Variants in OSMR observed in about 807,000 individuals in gnomAD.
OSMR encodes the protein oncostatin-M-specific receptor subunit beta.
OSMR carries 81 observed loss-of-function variants against 99.9 expected under a neutral mutation model. The observed-to-expected ratio is 0.81, with a 90% confidence interval of 0.68 to 0.97. OSMR has a LOEUF of 0.97. Ranked by LOEUF, OSMR falls within the 50% of genes least tolerant of loss-of-function variation. The pLI is 0.00. For synonymous variants in OSMR, 406 were observed against 410.4 expected (o/e 0.99, Z 0.13); for missense variants, 1,099 against 1,153.4 (o/e 0.95, Z 0.68).
At chr5:38,853,980 C>G (rs1199373083) in intron 1 of OSMR, among the ~76,000 whole-genome samples, 1 of 151,852 alleles carries the variant, frequency 6.6e-6, no homozygotes, top group Admixed American at 6.6e-5. Flanking sequence ...AGTAATCAAC[C>G]CTATGCTGTA....
At chr5:38,917,408 CAT>C in intron 9 of OSMR, 136 bp from the exon 10 acceptor site, 1 of 1,469,760 alleles carries the variant, frequency 6.8e-7, no homozygotes, top group Non-Finnish European at 9.1e-7. Flanking sequence ...GGGTAGAAGT[CAT>C]AGAGAGTGAA....
At chr5:38,864,570 T>C (rs975351517) in intron 1 of OSMR, among the ~76,000 whole-genome samples, 1 of 148,894 alleles carries the variant, frequency 6.7e-6, no homozygotes, top group African/African-American at 2.5e-5. Context: ...GTACTTAGAA[T>C]ATATCAGCCC....
intron 9 of OSMR, among the ~76,000 whole-genome samples, chr5:38,916,171 A>T (rs1745885322): frequency 6.6e-6 from 1 of 152,262 alleles, no homozygotes; most frequent in Non-Finnish European, 1.5e-5. Flanking sequence ...TAGGACTTTC[A>T]TAATATTTTT....
At chr5:38,925,083 A>C in intron 14 of OSMR, 121 bp from the exon 15 acceptor site, 1 of 1,531,432 alleles carries the variant, frequency 6.5e-7, no homozygotes, top group East Asian at 2.4e-5. Context: ...GTTTGGTATA[A>C]ACATGTTGGT....
intron 7 of OSMR, among the ~76,000 whole-genome samples, chr5:38,898,754 C>T (rs78772210): frequency 0.066 from 9,971 of 151,720 alleles, 442 homozygotes; most frequent in South Asian, 0.17. Context: ...CTGCTTTTTC[C>T]TTTTTGCATA....
At chr5:38,908,954 A>G (rs999996147) in intron 9 of OSMR, among the ~76,000 whole-genome samples, 6 of 152,334 alleles carry the variant, frequency 3.9e-5, no homozygotes, top group East Asian at 1.9e-4. Flanking sequence ...AATTCAGAAT[A>G]TGGATAGAAA....
At chr5:38,926,411 T>C (rs945881876) in intron 15 of OSMR, among the ~76,000 whole-genome samples, 5 of 152,220 alleles carry the variant, frequency 3.3e-5, no homozygotes, top group African/African-American at 1.2e-4. Context: ...AGAGGTTTAA[T>C]TGACTCACAG....
chr5:38,917,968 A>G (rs1335567548), intron 10 of OSMR, among the ~76,000 whole-genome samples: 1 of 152,226 alleles, frequency 6.6e-6, no homozygotes, highest in Non-Finnish European at 1.5e-5. Flanking sequence ...TTTAAAAATT[A>G]TAAATCAAGC....
chr5:38,896,699 G>A (rs115133352), intron 7 of OSMR, among the ~76,000 whole-genome samples: 1,972 of 152,174 alleles, frequency 0.013, 42 homozygotes, highest in African/African-American at 0.044. Flanking sequence ...TAACAGTGGT[G>A]AAAGTGGGCA....
intron 5 of OSMR, among the ~76,000 whole-genome samples, chr5:38,884,347 G>A (rs1330977384): frequency 6.6e-6 from 1 of 152,110 alleles, no homozygotes; most frequent in Non-Finnish European, 1.5e-5. Flanking sequence ...TATTAAAGAA[G>A]ACACAGTTCA....
Position 38,885,557 on chromosome 5 carries a change from C to A in OSMR, c.839+73C>A, listed in dbSNP as rs1336452319. ...GTGCTTGTGACAACATGGCAAAAAT[C>A]TACACTTAGATGTTGCAGGAAATTT... On this transcript the variant is annotated intron_variant, in intron 6 of 17. Coordinates refer to ENST00000274276, the MANE Select transcript of OSMR (RefSeq NM_003999.3). The A allele has an allele frequency of 2.5e-6, 4 of 1,569,864 alleles. No homozygotes were observed. The African/African-American group carries it at 5.4e-5, about 21-fold the overall frequency.
chr5:38,892,560 C>A (rs1357065720), intron 7 of OSMR, among the ~76,000 whole-genome samples: 1 of 152,186 alleles, frequency 6.6e-6, no homozygotes, highest in Non-Finnish European at 1.5e-5. Flanking sequence ...ACCACCGTAA[C>A]CAACATCCAC....
chr5:38,870,909 C>G (rs151181501), intron 2 of OSMR, among the ~76,000 whole-genome samples: 197 of 152,284 alleles, frequency 1.3e-3, no homozygotes, highest in Non-Finnish European at 2.4e-3. Context: ...TGTTACCTCT[C>G]AAGGCAGTCT....
At position 38,852,890 on chromosome 5, in the gene OSMR, C is replaced by G. The variant is rs369020809; in HGVS notation, c.-14+6503C>G. On this transcript the variant is annotated intron_variant, in intron 1 of 17. Coordinates refer to ENST00000274276, the MANE Select transcript of OSMR (RefSeq NM_003999.3). ...GGATTACAGGCGCCCACCACCACGC[C>G]CGGCTAATTTTTTGTATTTTTTAGT... Among the ~76,000 whole-genome samples the G allele has an allele frequency of 2.8e-3, 426 of 151,774 alleles. 2 individuals carry two copies. The highest frequency in any genetic ancestry group is 0.01 in the African/African-American group (415 of 41,398).
rs573204413 is a variant in OSMR at position 38,925,820 on chromosome 5, G to A, written c.2212+449G>A. On this transcript the variant is annotated intron_variant, in intron 15 of 17. Transcript: ENST00000274276. ...TGGCTCATTTCCCTCAGCAGCAAAC[G>A]AATTGGTTCTTGACTCTGTTAGGGC... Among the ~76,000 whole-genome samples the A allele has an allele frequency of 9.2e-5, 14 of 152,304 alleles. No individual in the cohort carries two copies. In the South Asian group the frequency reaches 1.2e-3, roughly 14 times the overall value.
At chr5:38,896,856 G>A (rs1390844909) in intron 7 of OSMR, among the ~76,000 whole-genome samples, 1 of 151,318 alleles carries the variant, frequency 6.6e-6, no homozygotes, top group Non-Finnish European at 1.5e-5. Flanking sequence ...CTTTTATCAT[G>A]AAAGGGATGT....
At chr5:38,864,950 G>A (rs1741824887) in intron 1 of OSMR, among the ~76,000 whole-genome samples, 1 of 152,100 alleles carries the variant, frequency 6.6e-6, no homozygotes, top group Non-Finnish European at 1.5e-5. Flanking sequence ...CTGTCTGTCT[G>A]TATCTCTGTC....
At chr5:38,894,541 A>G (rs775006542) in intron 7 of OSMR, among the ~76,000 whole-genome samples, 13 of 151,976 alleles carry the variant, frequency 8.6e-5, no homozygotes, top group Non-Finnish European at 1.8e-4. Flanking sequence ...GAGCAAAAAG[A>G]TATTCTTATA....
intron 1 of OSMR, chr5:38,941,325 G>T (rs3214763): frequency 2.2e-4 from 19 of 87,736 alleles, no homozygotes; most frequent in East Asian, 9.5e-4. Context: ...CTTTATTAAT[G>T]TTTTTTTTAA....
Sources: allele counts gnomAD v4.1 joint callset (sites outside exome capture counted in the v4.1 genomes callset), GRCh38; gene constraint gnomAD v4.1.1; transcripts MANE v1.5; gene names NCBI Gene and HGNC (gene_info 2026-07-23, HGNC 2026-07-21).